The following PCDHGB5 variants were observed in gnomAD, a reference collection of about 807,000 sequenced individuals.
The protein encoded by PCDHGB5 is protocadherin gamma-B5.
Under a neutral mutation model 62.9 loss-of-function variants are expected in PCDHGB5, and 48 were observed. That is an observed-to-expected ratio of 0.76 (90% CI 0.61 to 0.97). The LOEUF (loss-of-function observed/expected upper bound fraction) is 0.97. PCDHGB5 is among the 50% of genes least tolerant of loss of function. The pLI, the probability that PCDHGB5 is intolerant of heterozygous loss-of-function variation, is 0.00. For synonymous variants in PCDHGB5, 474 were observed against 511.2 expected, an observed-to-expected ratio of 0.93 and a Z score of 0.98; for missense variants, 1,118 against 1,198.6, an observed-to-expected ratio of 0.93 and a Z score of 0.99.
Position 141,491,763 on chromosome 5 carries a change from T to A in PCDHGB5, c.2398-3044T>A. 1 of 1,570,222 alleles carries A rather than the reference T, an allele frequency of 6.4e-7. No individual in the cohort carries two copies. The highest frequency in any genetic ancestry group is 8.6e-7 in the Non-Finnish European group (1 of 1,159,286). On this transcript the variant is annotated intron_variant, in intron 1 of 3. Transcript: ENST00000617380. This position sits in a 1 kb window ranked among gnomAD's most constrained non-coding sequence, Gnocchi z 6.9. ...GCGGCACTGGAGAAGCCGCCCGTCC[T>A]CATAAGGGATTGAACTTGCATCCAC... is the stretch of plus-strand genomic sequence containing the variant.
At chr5:141,415,396 G>C (rs11575962) in intron 1 of PCDHGB5, 2 of 1,614,204 alleles carry the variant, frequency 1.2e-6, no homozygotes, top group Non-Finnish European at 1.7e-6. Flanking sequence ...AGGTGTGTCC[G>C]GCTCGCACTT....
At chr5:141,421,257 C>T (rs944057868) in intron 1 of PCDHGB5, 1 of 1,608,520 alleles carries the variant, frequency 6.2e-7, no homozygotes, top group African/African-American at 1.3e-5. Context: ...GCGGGGACCG[C>T]AGTCGGCTGC....
Position 141,491,508 on chromosome 5 carries a change from G to A in PCDHGB5, c.2398-3299G>A. The A allele has an allele frequency of 6.2e-7, 1 of 1,614,030 alleles. No individual in the cohort carries two copies. The highest frequency in any genetic ancestry group is 8.5e-7 in the Non-Finnish European group (1 of 1,180,014). The stretch of plus-strand genomic sequence containing the variant: ...ACCTGCAGGTGAGCTCGGACGGCAC[G>A]CTCAAGTACATGGAGGTGACGCTGC... On this transcript the variant is annotated intron_variant, in intron 1 of 3. Transcript: ENST00000617380. This position sits in a 1 kb window ranked among gnomAD's most constrained non-coding sequence, Gnocchi z 6.9.
intron 1 of PCDHGB5, chr5:141,414,379 A>G (rs2095740987): frequency 1.2e-6 from 2 of 1,613,912 alleles, no homozygotes; most frequent in African/African-American, 1.3e-5. Context: ...AGAAAAGTCC[A>G]TTGACAGTTA....
At chr5:141,408,353 G>A (rs1218585930) in intron 1 of PCDHGB5, 1 of 1,613,816 alleles carries the variant, frequency 6.2e-7, no homozygotes, top group Non-Finnish European at 8.5e-7. Flanking sequence ...GGGGAACCTC[G>A]CTAAGGATCT....
chr5:141,457,676 A>G (rs1380484149), intron 1 of PCDHGB5, among the ~76,000 whole-genome samples: 2 of 152,240 alleles, frequency 1.3e-5, no homozygotes, highest in East Asian at 3.8e-4. Flanking sequence ...TTATTTCTAC[A>G]TAGGACTTTT....
At chr5:141,415,274 C>T (rs775112066) in intron 1 of PCDHGB5, 19 of 1,614,086 alleles carry the variant, frequency 1.2e-5, no homozygotes, top group Admixed American at 1.0e-4. Context: ...CTGGTGGTAG[C>T]GGTGGCCGCG....
At chr5:141,456,912 G>A (rs566842808) in intron 1 of PCDHGB5, among the ~76,000 whole-genome samples, 2 of 152,206 alleles carry the variant, frequency 1.3e-5, no homozygotes, top group South Asian at 2.1e-4. Context: ...GCAGTGAGCC[G>A]AGATCGCACC....
rs192677983 is a variant in PCDHGB5 at position 141,457,339 on chromosome 5, A to G, written c.2398-37468A>G. On this transcript the variant is annotated intron_variant, in intron 1 of 3. Transcript: ENST00000617380. The stretch of plus-strand genomic sequence containing the variant: ...CCTCCGGGTTACAGGTACCTTACTT[A>G]CTTTCATTACCTGGCACAATTTGCA... Among the ~76,000 whole-genome samples the G allele has an allele frequency of 3.1e-4, 47 of 152,268 alleles. No individual in the cohort carries two copies. The South Asian group carries it at 3.3e-3, about 11-fold the overall frequency.
intron 1 of PCDHGB5, among the ~76,000 whole-genome samples, chr5:141,448,001 G>A (rs143950707): frequency 0.046 from 7,030 of 151,928 alleles, 245 homozygotes; most frequent in African/African-American, 0.093. Context: ...CATGAGAATC[G>A]CTTGAACCCA....
chr5:141,404,079 C>G lies in PCDHGB5; in HGVS notation c.2397+3555C>G, dbSNP rs768434673. On this transcript the variant is annotated intron_variant, in intron 1 of 3. Transcript: ENST00000617380. ...CTTTTCAATGCTCATGACCGAGACT[C>G]CGGGAAGAATGGTCAAGTTGTCTGT... 3.1e-6 allele frequency: 5 copies of G among 1,613,568 alleles called. No homozygotes were observed. In the East Asian group the frequency reaches 1.1e-4, roughly 36 times the overall value.
chr5:141,436,220 T>C (rs1179034537), intron 1 of PCDHGB5, among the ~76,000 whole-genome samples: 2 of 152,096 alleles, frequency 1.3e-5, no homozygotes, highest in Non-Finnish European at 2.9e-5. Flanking sequence ...ACAAATGACT[T>C]GGGAAACTAA....
intron 1 of PCDHGB5, chr5:141,427,927 T>C (rs1238523389): frequency 6.3e-7 from 1 of 1,580,112 alleles, no homozygotes; most frequent in Non-Finnish European, 8.7e-7. Context: ...AGCCGGCGCA[T>C]GTTGGTGGGC....
chr5:141,434,092 A>C (rs1333686339), intron 1 of PCDHGB5, among the ~76,000 whole-genome samples: 1 of 152,172 alleles, frequency 6.6e-6, no homozygotes, highest in Non-Finnish European at 1.5e-5. Context: ...TTTGATGCTG[A>C]AATTGTCCCA....
intron 1 of PCDHGB5, among the ~76,000 whole-genome samples, chr5:141,447,983 G>A (rs1311439824): frequency 6.6e-6 from 1 of 151,972 alleles, no homozygotes; most frequent in Non-Finnish European, 1.5e-5. Context: ...CTACTCGGGA[G>A]GCTGAGGCAT....
At position 141,400,039 on chromosome 5, in the gene PCDHGB5, C is replaced by T; in HGVS notation, c.1912C>T (p.Leu638=). 6.2e-7 allele frequency: 1 copy of T among 1,613,512 alleles called. No individual in the cohort carries two copies. Among genetic ancestry groups the T allele is most frequent in the Non-Finnish European group, 8.5e-7 (1 of 1,179,804 alleles). Residue 638 remains leucine, a synonymous_variant, in exon 1 of 4, where the codon CTG becomes TTG. Coordinates refer to ENST00000617380, the MANE Select transcript of PCDHGB5 (RefSeq NM_018925.3). ...CGACAGGGACGCGGCCCGCCAGCGC[C>T]TGCTGGTTGCTGTGCGTGATGGTGG... ...LGDRDAARQR[L]LVAVRDGGQP...
At chr5:141,509,845 C>G (rs1021433327) in intron 3 of PCDHGB5, among the ~76,000 whole-genome samples, 1 of 152,190 alleles carries the variant, frequency 6.6e-6, no homozygotes, top group African/African-American at 2.4e-5. Context: ...CCCATTCACT[C>G]AGAACAGGGA....
chr5:141,501,066 A>G (rs2099805322), intron 2 of PCDHGB5, among the ~76,000 whole-genome samples: 1 of 151,976 alleles, frequency 6.6e-6, no homozygotes, highest in South Asian at 2.1e-4. Flanking sequence ...ACGGGGTTTC[A>G]CCATGTTGAC....
chr5:141,431,748 G>A lies in PCDHGB5; in HGVS notation c.2397+31224G>A, dbSNP rs759671844. On this transcript the variant is annotated intron_variant, in intron 1 of 3. Coordinates refer to ENST00000617380, the MANE Select transcript of PCDHGB5 (RefSeq NM_018925.3). This position sits in a 1 kb window ranked among gnomAD's most constrained non-coding sequence, Gnocchi z 4.8. ...ATGGATAATGCAGGATATTCTGCGC[G>A]AGCCAAAGTCCTGATCACTGTTCTG... 4 of 1,614,078 alleles carry A rather than the reference G, an allele frequency of 2.5e-6. No individual in the cohort carries two copies. Among genetic ancestry groups the A allele is most frequent in the African/African-American group, 1.3e-5 (1 of 74,934 alleles).
Sources: allele counts gnomAD v4.1 joint callset (sites outside exome capture counted in the v4.1 genomes callset), GRCh38; gene constraint gnomAD v4.1.1; non-coding constraint Gnocchi (gnomAD v3.1); transcripts MANE v1.5; gene names NCBI Gene and HGNC (gene_info 2026-07-23, HGNC 2026-07-21).